The following NEK7 variants were observed in gnomAD, a reference collection of about 807,000 sequenced individuals.
The protein encoded by NEK7 is serine/threonine-protein kinase Nek7.
In NEK7, 18 loss-of-function variants were observed where a neutral mutation model predicts 44.6. That is an observed-to-expected ratio of 0.40 (90% CI 0.28 to 0.60). NEK7 has a LOEUF of 0.60. NEK7 is among the 20% of genes least tolerant of loss of function. The pLI is 0.38. For synonymous variants in NEK7, 130 were observed against 121.1 expected (o/e 1.07, Z -0.48); for missense variants, 256 against 366.5 (o/e 0.70, Z 2.46).
chr1:198,221,108 T>C (rs1261244671), intron 1 of NEK7: 3 of 152,090 alleles, frequency 2.0e-5, no homozygotes, highest in African/African-American at 4.8e-5. Context: ...TCTCTTCAAA[T>C]TGGTAAGCAC....
rs1375044919 is a variant in NEK7 at position 198,231,299 on chromosome 1, G to GTATATA, written c.-28-1253_-28-1252insATATAT. 2.5e-3 allele frequency among the ~76,000 whole-genome samples: 249 copies of GTATATA among 98,184 alleles called. 1 individual carries two copies. The highest frequency in any genetic ancestry group is 9.6e-3 in the African/African-American group (222 of 23,170). The allele number at this position is 98,184 out of a possible 152,430, so 64.4% of individuals were successfully genotyped here. A position where few individuals can be genotyped will look rare whatever the true frequency, so the allele number is the denominator to read the frequency against. ...TGTGTGTATATACGTGTATGTGTGTGTGTATATATATATATATATATATAT... is the reference window on the plus strand; with the variant it reads ...TGTGTGTATATACGTGTATGTGTGTGTATATATGTATATATATATATATATATATAT... On this transcript the variant is annotated intron_variant, in intron 1 of 9. Transcript: ENST00000367385.
chr1:198,164,208 A>C (rs1013585503), intron 1 of NEK7, among the ~76,000 whole-genome samples: 7 of 152,346 alleles, frequency 4.6e-5, no homozygotes, highest in Admixed American at 4.6e-4. Context: ...CTGAACATTT[A>C]ATAGTATTTA....
chr1:198,214,455 G>A (rs1444794694), intron 1 of NEK7, among the ~76,000 whole-genome samples: 1 of 152,140 alleles, frequency 6.6e-6, no homozygotes, highest in Non-Finnish European at 1.5e-5. Flanking sequence ...GATGAAAAAT[G>A]TTCTAAAGAG....
chr1:198,227,212 G>A (rs1488736197), intron 1 of NEK7, among the ~76,000 whole-genome samples: 2 of 152,054 alleles, frequency 1.3e-5, no homozygotes, highest in Non-Finnish European at 2.9e-5. Flanking sequence ...CCTTTTTTAC[G>A]GCTGCATAGT....
Position 198,218,689 on chromosome 1 carries a change from G to T in NEK7, c.-28-13864G>T, listed in dbSNP as rs116559348. Among the ~76,000 whole-genome samples the T allele has an allele frequency of 1.6e-3, 247 of 150,810 alleles. 1 individual carries two copies. The highest frequency in any genetic ancestry group is 5.6e-3 in the African/African-American group (230 of 41,242). ...TGAACCCAACAAAGGACTGATATGC[G>T]GAATATACAAATAAATCAGCAAGAA... On this transcript the variant is annotated intron_variant, in intron 1 of 9. Transcript: ENST00000367385.
intron 1 of NEK7, among the ~76,000 whole-genome samples, chr1:198,161,042 C>T (rs1029208980): frequency 1.6e-4 from 24 of 152,076 alleles, no homozygotes; most frequent in Admixed American, 8.5e-4. Context: ...AAAATAACTG[C>T]CCTGCCATAC....
At chr1:198,264,323 T>C (rs1653578838) in intron 5 of NEK7, 88 bp downstream of exon 5, 1 of 927,386 alleles carries the variant, frequency 1.1e-6, no homozygotes, top group Non-Finnish European at 1.7e-6. Flanking sequence ...TATTAGATAT[T>C]TTAAACTAAA....
chr1:198,252,951 G>A (rs1653120993), intron 2 of NEK7, 89 bp from the exon 3 acceptor site: 1 of 1,092,548 alleles, frequency 9.2e-7, no homozygotes, highest in African/African-American at 1.6e-5. Flanking sequence ...TACCCTATGT[G>A]TCACCTACAT....
intron 1 of NEK7, among the ~76,000 whole-genome samples, chr1:198,187,105 T>G (rs1664945852): frequency 6.6e-6 from 1 of 152,188 alleles, no homozygotes. Context: ...GACCATTTGC[T>G]CTGTGGCATG....
chr1:198,232,191 G>A (rs767376678), intron 1 of NEK7, among the ~76,000 whole-genome samples: 3 of 152,110 alleles, frequency 2.0e-5, no homozygotes, highest in South Asian at 2.1e-4. Context: ...TTTTAGGGAT[G>A]TAAAACATTG....
intron 1 of NEK7, among the ~76,000 whole-genome samples, chr1:198,174,441 G>C (rs1313560441): frequency 1.3e-5 from 2 of 152,076 alleles, no homozygotes; most frequent in Non-Finnish European, 2.9e-5. Context: ...GGGTAGGAGG[G>C]GGAGGAAGGC....
intron 1 of NEK7, among the ~76,000 whole-genome samples, chr1:198,185,190 A>ATTTTTTTTTTTTTTTTTTTTTTTTTTTT (rs919588030): frequency 1.2e-5 from 1 of 83,816 alleles, no homozygotes; most frequent in Non-Finnish European, 2.3e-5. Flanking sequence ...CATGCTGTCT[A>ATTTTTTTTTTTTTTTTTTTTTTTTTTTT]TTTTTTTTTT....
chr1:198,233,090 A>G (rs1666446290), intron 2 of NEK7, among the ~76,000 whole-genome samples: 1 of 143,084 alleles, frequency 7.0e-6, no homozygotes, highest in Middle Eastern at 3.6e-3. Flanking sequence ...GGGAAGGAAG[A>G]GGAAAAAAAA....
At chr1:198,310,408 A>G (rs1655143886) in intron 9 of NEK7, among the ~76,000 whole-genome samples, 1 of 150,500 alleles carries the variant, frequency 6.6e-6, no homozygotes. Context: ...GTTCACTCTG[A>G]TGGTAGTTTC....
Position 198,284,662 on chromosome 1 carries a change from C to G in NEK7, c.589+5601C>G, listed in dbSNP as rs148994558. The stretch of plus-strand genomic sequence containing the variant: ...TGGTATATTTCTGTTTCTTAAGTTA[C>G]TCTGAGGTCTCCTTTCAGCAAATAA... On this transcript the variant is annotated intron_variant, in intron 7 of 9. Coordinates refer to ENST00000367385, the MANE Select transcript of NEK7 (RefSeq NM_133494.3). Among the ~76,000 whole-genome samples the G allele has an allele frequency of 2.2e-3, 329 of 152,240 alleles. 3 individuals are homozygous for G. Among genetic ancestry groups the G allele is most frequent in the African/African-American group, 7.5e-3 (311 of 41,548 alleles).
chr1:198,314,367 CT>C (rs1655284545), intron 9 of NEK7, among the ~76,000 whole-genome samples: 1 of 152,068 alleles, frequency 6.6e-6, no homozygotes. Context: ...ACTTCTTTGC[CT>C]TTGGTTTGAA....
At chr1:198,178,056 CTA>C (rs533211921) in intron 1 of NEK7, among the ~76,000 whole-genome samples, 5 of 152,042 alleles carry the variant, frequency 3.3e-5, no homozygotes, top group Non-Finnish European at 7.4e-5. Flanking sequence ...AGATCCTCAA[CTA>C]TGTGCTGCTT....
intron 1 of NEK7, among the ~76,000 whole-genome samples, chr1:198,209,262 A>G (rs1665697042): frequency 6.6e-6 from 1 of 151,718 alleles, no homozygotes; most frequent in South Asian, 2.1e-4. Flanking sequence ...CCATACACAC[A>G]TGCAAATGTG....
At chr1:198,243,705 C>A (rs973058408) in intron 2 of NEK7, among the ~76,000 whole-genome samples, 30 of 152,120 alleles carry the variant, frequency 2.0e-4, no homozygotes, top group African/African-American at 6.3e-4. Context: ...GTAAAATTTC[C>A]TCCTTTGATA....
Sources: allele counts gnomAD v4.1 joint callset (sites outside exome capture counted in the v4.1 genomes callset), GRCh38; gene constraint gnomAD v4.1.1; transcripts MANE v1.5; gene names NCBI Gene and HGNC (gene_info 2026-07-23, HGNC 2026-07-21).